The following MACF1 variants were observed in gnomAD, a reference collection of about 807,000 sequenced individuals.
MACF1 encodes microtubule-actin cross-linking factor 1.
Under a neutral mutation model 854.8 loss-of-function variants are expected in MACF1, and 193 were observed. The ratio of observed to expected loss-of-function variants is 0.23; its 90% CI spans 0.20 to 0.25. MACF1 has a LOEUF of 0.25. MACF1 is among the 10% of genes least tolerant of loss of function. The probability of loss-of-function intolerance (pLI) is 1.00; values close to 1 mark genes in which losing one functional copy is unlikely to be tolerated. For missense variants in MACF1, 7,722 were observed against 8,929.1 expected (o/e 0.86, Z 5.45); for synonymous variants, 3,185 against 3,226.7 (o/e 0.99, Z 0.44).
chr1:39,344,392 A>T (rs1482875755), intron 40 of MACF1, among the ~76,000 whole-genome samples: 1 of 151,486 alleles, frequency 6.6e-6, no homozygotes, highest in Non-Finnish European at 1.5e-5. Flanking sequence ...AGATCGTGCC[A>T]CTGGACTCCA....
At chr1:39,312,791 C>T (rs1646327635) in intron 26 of MACF1, among the ~76,000 whole-genome samples, 1 of 152,192 alleles carries the variant, frequency 6.6e-6, no homozygotes, top group Non-Finnish European at 1.5e-5. Context: ...CACCACTACA[C>T]TCCAGCCTGG....
At chr1:39,475,242 C>A (rs1347468983) in intron 97 of MACF1, among the ~76,000 whole-genome samples, 1 of 152,154 alleles carries the variant, frequency 6.6e-6, no homozygotes, top group African/African-American at 2.4e-5. Flanking sequence ...CTGCTATAAG[C>A]AGTGAAACAC....
At chr1:39,308,022 A>C (rs1170202024) in intron 23 of MACF1, among the ~76,000 whole-genome samples, 1 of 142,706 alleles carries the variant, frequency 7.0e-6, no homozygotes, top group Non-Finnish European at 1.5e-5. Context: ...CTCCCGCCTC[A>C]GCCTCCCGAG....
chr1:39,226,365 G>T lies in MACF1; in HGVS notation c.110-4817G>T, dbSNP rs150511291. Among the ~76,000 whole-genome samples, 234 of 150,396 alleles carry T rather than the reference G, an allele frequency of 1.6e-3. 4 individuals are homozygous for T. In the East Asian group the frequency reaches 0.036, roughly 23 times the overall value. ...GTATTTTTTTTTTTTTTTTGAGATG[G>T]AGTCTTGCGCTGTTGCCCGAGCTGG... On this transcript the variant is annotated intron_variant, in intron 1 of 100. Transcript: ENST00000564288.
intron 56 of MACF1, among the ~76,000 whole-genome samples, chr1:39,382,981 C>T (rs1359625671): frequency 2.0e-5 from 3 of 151,870 alleles, no homozygotes; most frequent in Non-Finnish European, 1.5e-5. Flanking sequence ...ATTAGCCGGG[C>T]GTGGTGGCAG....
intron 23 of MACF1, among the ~76,000 whole-genome samples, chr1:39,305,992 C>T (rs1371489795): frequency 6.6e-6 from 1 of 152,106 alleles, no homozygotes; most frequent in African/African-American, 2.4e-5. Flanking sequence ...TTTGTTTATT[C>T]TCTCCTATTA....
rs557613665 is a variant in MACF1, at chr1:39,453,743, G to A, written c.20779G>A (p.Val6927Ile). ...MKKVEEKRVDVNSAVAMGEVI... is the reference protein window; with the variant it reads ...MKKVEEKRVDINSAVAMGEVI... Reference sequence around the variant, plus strand: ...GAAAGTAGAAGAAAAGCGAGTGGACGTTAACTCAGCAGTAGCCATGGGAGA... The same window carrying A: ...GAAAGTAGAAGAAAAGCGAGTGGACATTAACTCAGCAGTAGCCATGGGAGA... Residue 6927 changes from valine (V) to isoleucine (I), a missense_variant, in exon 88 of 101, where the codon GTT becomes ATT. Val to Ile is a conservative substitution (Grantham distance 29, BLOSUM62 3). Transcript: ENST00000564288. 19 of 1,614,056 alleles carry A rather than the reference G, an allele frequency of 1.2e-5. No homozygotes were observed. The highest frequency in any genetic ancestry group is 2.2e-5 in the East Asian group (1 of 44,902).
At chr1:39,464,317 A>G (rs1290616186) in intron 94 of MACF1, 2 of 152,942 alleles carry the variant, frequency 1.3e-5, no homozygotes, top group African/African-American at 4.8e-5. Context: ...CCTAAGAAAA[A>G]TCTATGATTG....
Position 39,422,859 on chromosome 1 carries a change from G to T in MACF1, c.16108G>T (p.Ala5370Ser), listed in dbSNP as rs751430818. 2 of 1,614,190 alleles carry T rather than the reference G, an allele frequency of 1.2e-6. No individual in the cohort carries two copies. Among genetic ancestry groups the T allele is most frequent in the South Asian group, 2.2e-5 (2 of 91,078 alleles). The change falls in exon 60 of 101, where the codon GCT becomes TCT. Residue 5370 changes from alanine (A) to serine (S), a missense_variant. By Grantham distance (99) the Ala-to-Ser change is moderately conservative. Coordinates refer to ENST00000564288, the MANE Select transcript of MACF1 (RefSeq NM_001394062.1). ...CATAGCCAATCAGAAACCTCCATCT[G>T]CTGAGTATAAAGTGGTGAAAGCACA... is the stretch of plus-strand genomic sequence containing the variant. ...ELIANQKPPS[A>S]EYKVVKAQIQ...
intron 97 of MACF1, among the ~76,000 whole-genome samples, chr1:39,475,103 C>T (rs528333039): frequency 1.9e-4 from 29 of 152,122 alleles, no homozygotes; most frequent in Non-Finnish European, 3.7e-4. Context: ...AGATGTGGTC[C>T]TCAAAAAAAC....
intron 1 of MACF1, among the ~76,000 whole-genome samples, chr1:39,205,366 T>C (rs1468182322): frequency 6.6e-6 from 1 of 151,864 alleles, no homozygotes; most frequent in African/African-American, 2.4e-5. Flanking sequence ...GTCTGGAGAG[T>C]GCTGGTTAGA....
At chr1:39,352,431 C>T (rs1216959671) in intron 43 of MACF1, among the ~76,000 whole-genome samples, 9 of 152,164 alleles carry the variant, frequency 5.9e-5, no homozygotes, top group Non-Finnish European at 5.9e-5. Context: ...CAAGCCAGTC[C>T]GGCACTTCTG....
rs1399300829 is a variant in MACF1 at position 39,335,767 on chromosome 1, C to T, written c.9179C>T (p.Ala3060Val). The T allele has an allele frequency of 1.9e-6, 3 of 1,614,122 alleles. No homozygotes were observed. Among genetic ancestry groups the T allele is most frequent in the Non-Finnish European group, 2.5e-6 (3 of 1,179,966 alleles). ...PQGISVKHLD[A>V]LTLFSSKQAN... ...GGAATTTCTGTAAAACATTTAGATG[C>T]TTTAACACTCTTCAGCTCTAAACAG... Residue 3060 changes from alanine to valine, a missense_variant, in exon 37 of 101, where the codon GCT becomes GTT. Coordinates refer to ENST00000564288, the MANE Select transcript of MACF1 (RefSeq NM_001394062.1).
At position 39,251,878 on chromosome 1, in the gene MACF1, G is replaced by A. The variant is rs1351913223; in HGVS notation, c.294G>A (p.Val98=). Residue 98 remains valine (V), a synonymous_variant, in exon 4 of 101, where the codon GTG becomes GTA. Coordinates refer to ENST00000564288, the MANE Select transcript of MACF1 (RefSeq NM_001394062.1). ...EPAGLKTLRL[V]SMPSWCHTNN... ...CAGGGCTGAAGACCCTCCGTCTGGT[G>A]AGCATGCCCTCCTGGTGCCATACAA... 3.3e-6 allele frequency: 5 copies of A among 1,512,890 alleles called. No individual in the cohort carries two copies. The highest frequency in any genetic ancestry group is 1.4e-5 in the African/African-American group (1 of 71,952). 93.7% of individuals were successfully genotyped at this position (1,512,890 alleles called of 1,614,324 possible). A position where few individuals can be genotyped will look rare whatever the true frequency, so the allele number is the denominator to read the frequency against.
At chr1:39,367,096 G>A (rs529338122) in intron 49 of MACF1, among the ~76,000 whole-genome samples, 2 of 151,884 alleles carry the variant, frequency 1.3e-5, no homozygotes, top group South Asian at 2.1e-4. Flanking sequence ...TACAGAGTGC[G>A]CCACCATGCC....
At position 39,374,752 on chromosome 1, in the gene MACF1, A is replaced by C. The variant is rs144549079; in HGVS notation, c.13213+2156A>C. Among the ~76,000 whole-genome samples the C allele has an allele frequency of 5.2e-3, 792 of 152,130 alleles. 6 individuals carry two copies. The highest frequency in any genetic ancestry group is 0.018 in the African/African-American group (732 of 41,510). ...ACTCCTAGACTAGATCATTTTTTTA[A>C]AAAAAAACCAGAAATCTCATATAGA... On this transcript the variant is annotated intron_variant, in intron 52 of 100. Transcript: ENST00000564288.
chr1:39,189,535 C>T (rs1644219161), intron 2 of MACF1, among the ~76,000 whole-genome samples: 2 of 152,180 alleles, frequency 1.3e-5, no homozygotes, highest in Non-Finnish European at 1.5e-5. Flanking sequence ...AATACACAAA[C>T]CCTGTGGTTC....
At chr1:39,102,712 C>T (rs907374151) in intron 2 of MACF1, 35 of 698,948 alleles carry the variant, frequency 5.0e-5, no homozygotes, top group Non-Finnish European at 8.6e-5. Context: ...GATGCCCTTC[C>T]GAGTACATCC....
chr1:39,113,143 G>A (rs1642454876), intron 2 of MACF1, among the ~76,000 whole-genome samples: 1 of 152,030 alleles, frequency 6.6e-6, no homozygotes, highest in Non-Finnish European at 1.5e-5. Flanking sequence ...TGGCATTCCA[G>A]ACCCTCCTCT....
Sources: gnomAD v4.1 joint callset for allele counts (sites outside exome capture counted in the v4.1 genomes callset) on GRCh38, gnomAD v4.1.1 for gene constraint, MANE v1.5 for transcripts, NCBI Gene and HGNC (gene_info 2026-07-23, HGNC 2026-07-21) for gene names.